The following PREX1 variants were observed in gnomAD, a reference collection of about 807,000 sequenced individuals.
PREX1 encodes phosphatidylinositol 3,4,5-trisphosphate-dependent Rac exchanger 1 protein.
In PREX1, 41 loss-of-function variants were observed where a neutral mutation model predicts 198.3. That is an observed-to-expected ratio of 0.21 (90% CI 0.16 to 0.27). The LOEUF (loss-of-function observed/expected upper bound fraction) is 0.27. Among genes scored for constraint, PREX1 ranks in the 10% least tolerant of loss-of-function variants. The pLI is 1.00. For synonymous variants in PREX1, 843 were observed against 887.2 expected (o/e 0.95, Z 0.89); for missense variants, 1,620 against 2,200.7 (o/e 0.74, Z 5.28).
At chr20:48,838,847 A>G in the PREX1 span, among the ~76,000 whole-genome samples, 1 of 151,926 alleles carries the variant, frequency 6.6e-6, no homozygotes, top group Admixed American at 6.6e-5. Flanking sequence ...CCAACATGGC[A>G]AAACCCCATC....
At chr20:48,636,719 C>A (rs769230157) in intron 31 of PREX1, 36 bp from the exon 32 acceptor site, 5 of 1,536,230 alleles carry the variant, frequency 3.3e-6, no homozygotes, top group East Asian at 2.4e-5. Context: ...GCTGGAGGGG[C>A]GCTCCCGTGC....
intron 21 of PREX1, 60 bp downstream of exon 21, chr20:48,652,526 A>T: frequency 6.5e-7 from 1 of 1,536,170 alleles, no homozygotes; most frequent in Non-Finnish European, 8.8e-7. Context: ...GAGAGGACCC[A>T]GCCCCTCCGG....
intron 16 of PREX1, 95 bp from the exon 17 acceptor site, chr20:48,658,323 G>T: frequency 8.0e-7 from 1 of 1,247,368 alleles, no homozygotes; most frequent in Non-Finnish European, 1.1e-6. Context: ...CCTCGTCCCA[G>T]GTCTAGTAGG....
the PREX1 span, among the ~76,000 whole-genome samples, chr20:48,839,725 G>A: frequency 1.3e-5 from 2 of 152,182 alleles, no homozygotes; most frequent in East Asian, 1.9e-4. Context: ...GCTGTTAGGT[G>A]AGATGTGCAT....
chr20:48,826,636 C>T (rs1489562147), intron 1 of PREX1, among the ~76,000 whole-genome samples: 1 of 152,192 alleles, frequency 6.6e-6, no homozygotes, highest in Non-Finnish European at 1.5e-5. Flanking sequence ...CGGCGGATCA[C>T]TTGAGGCCAG....
At chr20:48,821,614 T>C (rs1399902735) in intron 1 of PREX1, 1 of 152,274 alleles carries the variant, frequency 6.6e-6, no homozygotes, top group Non-Finnish European at 1.5e-5. Flanking sequence ...CAGGTTCTCC[T>C]GCAGCCAGGC....
chr20:48,712,832 G>T (rs2089938936), intron 5 of PREX1, among the ~76,000 whole-genome samples: 1 of 152,214 alleles, frequency 6.6e-6, no homozygotes, highest in Non-Finnish European at 1.5e-5. Flanking sequence ...CACTCCTCAA[G>T]ATCTCAAGAA....
chr20:48,746,136 T>C (rs1180866303), intron 2 of PREX1, among the ~76,000 whole-genome samples: 16 of 152,214 alleles, frequency 1.1e-4, no homozygotes, highest in Non-Finnish European at 2.2e-4. Flanking sequence ...TTCTCCTGCC[T>C]CAGCCTCCCG....
chr20:48,647,554 G>A (rs550146854), intron 25 of PREX1, among the ~76,000 whole-genome samples: 4 of 148,558 alleles, frequency 2.7e-5, no homozygotes, highest in East Asian at 2.0e-4. Context: ...ACAGTGTCTC[G>A]TGCCTTCTAA....
chr20:48,631,237 G>A (rs1474444427), intron 35 of PREX1, among the ~76,000 whole-genome samples: 20 of 152,204 alleles, frequency 1.3e-4, no homozygotes, highest in Non-Finnish European at 1.5e-5. Flanking sequence ...AGTCTCGATC[G>A]CGGCCACTCA....
At chr20:48,714,553 A>G (rs188336147) in intron 5 of PREX1, among the ~76,000 whole-genome samples, 1 of 152,348 alleles carries the variant, frequency 6.6e-6, no homozygotes, top group African/African-American at 2.4e-5. Flanking sequence ...AACAAAACCA[A>G]AATGAGATAC....
At chr20:48,738,581 G>A (rs1049875068) in intron 3 of PREX1, among the ~76,000 whole-genome samples, 2 of 152,208 alleles carry the variant, frequency 1.3e-5, no homozygotes, top group Admixed American at 6.5e-5. Flanking sequence ...TTTCCTCCTG[G>A]AGGCCCGACA....
At chr20:48,877,299 T>C in the PREX1 span, among the ~76,000 whole-genome samples, 1 of 151,404 alleles carries the variant, frequency 6.6e-6, no homozygotes, top group Non-Finnish European at 1.5e-5. Flanking sequence ...GAAAAAAAAG[T>C]ATGATATATT....
At chr20:48,632,205 CT>C in intron 35 of PREX1, 71 bp downstream of exon 35, 1 of 1,458,946 alleles carries the variant, frequency 6.9e-7, no homozygotes. Flanking sequence ...CGCCTGGCAC[CT>C]TCCATGCTAA....
chr20:48,633,196 C>G (rs2089329805), intron 33 of PREX1, among the ~76,000 whole-genome samples: 1 of 152,244 alleles, frequency 6.6e-6, no homozygotes, highest in East Asian at 1.9e-4. Flanking sequence ...AGACAGGCAG[C>G]TGCTGCTGCC....
intron 14 of PREX1, among the ~76,000 whole-genome samples, chr20:48,668,192 T>C (rs1384655713): frequency 6.6e-6 from 1 of 152,120 alleles, no homozygotes; most frequent in African/African-American, 2.4e-5. Context: ...TGGGAGGGAC[T>C]GTCAAGCAGA....
chr20:48,830,255 G>C (rs73260258), upstream of PREX1, among the ~76,000 whole-genome samples: 1 of 152,178 alleles, frequency 6.6e-6, no homozygotes, highest in African/African-American at 2.4e-5. Flanking sequence ...AGTACCAGCT[G>C]CTGGGCTGAG....
chr20:48,665,260 C>T (rs797008232), intron 15 of PREX1, among the ~76,000 whole-genome samples: 7 of 141,738 alleles, frequency 4.9e-5, no homozygotes, highest in African/African-American at 1.7e-4. Context: ...ATTCTAATCC[C>T]GCCCCAGACG....
At chr20:48,651,765 C>A (rs537507490) in intron 21 of PREX1, among the ~76,000 whole-genome samples, 182 bp from the exon 22 acceptor site, 44 of 152,298 alleles carry the variant, frequency 2.9e-4, no homozygotes, top group Non-Finnish European at 5.0e-4. Flanking sequence ...TGTTGGAGAG[C>A]CAGTCTGGAC....
Sources: allele counts gnomAD v4.1 joint callset (sites outside exome capture counted in the v4.1 genomes callset), GRCh38; gene constraint gnomAD v4.1.1; transcripts MANE v1.5; gene names NCBI Gene and HGNC (gene_info 2026-07-23, HGNC 2026-07-21).